Variants in FRMD8 observed in about 807,000 individuals in gnomAD.
FRMD8 encodes FERM domain-containing protein 8.
Under a neutral mutation model 54.2 loss-of-function variants are expected in FRMD8, and 37 were observed. The ratio of observed to expected loss-of-function variants is 0.68; its 90% confidence interval spans 0.53 to 0.90. The LOEUF is 0.90. Ranked by LOEUF, FRMD8 falls within the 40% of genes least tolerant of loss-of-function variation. The probability of loss-of-function intolerance (pLI) is 0.00; values close to 1 mark genes in which losing one functional copy is unlikely to be tolerated. For synonymous variants in FRMD8, 246 were observed against 286.9 expected (o/e 0.86, Z 1.44); for missense variants, 585 against 653.7 (o/e 0.89, Z 1.15).
At chr11:65,401,747 C>T (rs1232124824) in intron 9 of FRMD8, among the ~76,000 whole-genome samples, 4 of 150,630 alleles carry the variant, frequency 2.7e-5, no homozygotes. Flanking sequence ...TGGCCCCCCT[C>T]GAGGGCACTC....
intron 7 of FRMD8, among the ~76,000 whole-genome samples, chr11:65,398,455 G>T (rs1019959896): frequency 6.6e-6 from 1 of 152,256 alleles, no homozygotes; most frequent in Non-Finnish European, 1.5e-5. Context: ...GAGATGCTGG[G>T]AGGCAAGTGT....
At position 65,397,831 on chromosome 11, in the gene FRMD8, T is replaced by TTC. The variant is rs111706429; in HGVS notation, c.803+811_803+812insTC. 2.2e-4 allele frequency among the ~76,000 whole-genome samples: 33 copies of TTC among 151,586 alleles called. 1 individual carries two copies. Among genetic ancestry groups the TTC allele is most frequent in the African/African-American group, 7.3e-4 (30 of 41,358 alleles). On this transcript the variant is annotated intron_variant, in intron 7 of 10. Coordinates refer to ENST00000317568, the MANE Select transcript of FRMD8 (RefSeq NM_031904.5). ...GGCTCAAGCAAGCCTCCTGAGTCGCTGGGACCACAGGTGTGCAGCACCATG... is the reference window on the plus strand; with the variant it reads ...GGCTCAAGCAAGCCTCCTGAGTCGCTTCGGGACCACAGGTGTGCAGCACCATG...
intron 9 of FRMD8, among the ~76,000 whole-genome samples, chr11:65,403,725 A>G (rs1289718161): frequency 1.3e-5 from 2 of 152,228 alleles, no homozygotes. Context: ...AGGTTGAGGA[A>G]GTTCCTTTCT....
chr11:65,388,879 C>T (rs1855783732), intron 2 of FRMD8, among the ~76,000 whole-genome samples: 2 of 152,190 alleles, frequency 1.3e-5, no homozygotes, highest in Non-Finnish European at 1.5e-5. Context: ...TACCAGCTCT[C>T]GCTCCTGCCA....
At chr11:65,374,266 G>C in the FRMD8 span, among the ~76,000 whole-genome samples, 77 of 147,654 alleles carry the variant, frequency 5.2e-4, no homozygotes, top group African/African-American at 1.8e-3. Context: ...GCCCAGGGTG[G>C]TGTGGGGGGA....
chr11:65,411,356 G>T lies in FRMD8; in HGVS notation c.1391G>T (p.Gly464Val). The change falls in exon 11 of 11, where the codon GGC becomes GTC. Residue 464 changes from glycine to valine, a missense_variant. Physicochemically the swap from Gly to Val is moderately radical, Grantham distance 109. Transcript: ENST00000317568. Reference sequence around the variant, plus strand: ...CAGCCCGGCGACAGCCTGGAGCAGGGCTGAGGACGCTGCACCCGGCAGGAG... The same window carrying T: ...CAGCCCGGCGACAGCCTGGAGCAGGTCTGAGGACGCTGCACCCGGCAGGAG... ...VVQPGDSLEQ[G>V] 1 of 1,581,154 alleles carries T rather than the reference G, an allele frequency of 6.3e-7. No homozygotes were observed. The highest frequency in any genetic ancestry group is 8.6e-7 in the Non-Finnish European group (1 of 1,162,676).
the FRMD8 span, chr11:65,379,765 C>T: frequency 6.7e-7 from 1 of 1,487,514 alleles, no homozygotes. Flanking sequence ...ACTTGGTCTT[C>T]TCTCCTCCAG....
chr11:65,398,167 T>G (rs1181036038), intron 7 of FRMD8, among the ~76,000 whole-genome samples: 1 of 152,134 alleles, frequency 6.6e-6, no homozygotes, highest in African/African-American at 2.4e-5. Flanking sequence ...CCTGGCCTAA[T>G]TTTTGTATTT....
intron 8 of FRMD8, 58 bp downstream of exon 8, chr11:65,399,917 C>T (rs1045404453): frequency 1.3e-6 from 2 of 1,565,234 alleles, no homozygotes; most frequent in Non-Finnish European, 1.7e-6. Flanking sequence ...TGACTCAGGT[C>T]TTCCTGGTTC....
chr11:65,400,765 C>G lies in FRMD8; in HGVS notation c.969C>G (p.Asp323Glu), dbSNP rs1856058069. 2 of 1,610,094 alleles carry G rather than the reference C, an allele frequency of 1.2e-6. No homozygotes were observed. The highest frequency in any genetic ancestry group is 1.7e-4 in the Middle Eastern group (1 of 6,046). ...TGCGCTTCCAGGAGCTGTCGTGGGA[C>G]CACACCTCCCCCGAGGAGGAGGAGC... The part of the protein sequence containing the change: ...LGLRFQELSW[D>E]HTSPEEEEPI... The change falls in exon 9 of 11, where the codon GAC becomes GAG. Residue 323 changes from aspartate to glutamate, a missense_variant. Coordinates refer to ENST00000317568, the MANE Select transcript of FRMD8 (RefSeq NM_031904.5). The surrounding 1 kb of genome is among the most constrained non-coding windows in gnomAD (Gnocchi z 4.3).
At chr11:65,380,823 C>G in the FRMD8 span, 2 of 333,076 alleles carry the variant, frequency 6.0e-6, no homozygotes, top group Non-Finnish European at 1.2e-5. Flanking sequence ...TGGGCTGGGA[C>G]CACAGCACAA....
At chr11:65,376,897 C>T in the FRMD8 span, 1 of 1,613,454 alleles carries the variant, frequency 6.2e-7, no homozygotes, top group Admixed American at 1.7e-5. Flanking sequence ...TGGGGGTGTC[C>T]CTCAGCGTCA....
the FRMD8 span, chr11:65,377,193 C>T: frequency 2.7e-6 from 4 of 1,455,660 alleles, no homozygotes; most frequent in Admixed American, 8.2e-5. Context: ...CCTCAGGAAC[C>T]CTGCCGGCAC....
intron 6 of FRMD8, 128 bp downstream of exon 6, chr11:65,394,553 G>T (rs1428401821): frequency 8.7e-7 from 1 of 1,144,070 alleles, no homozygotes; most frequent in Non-Finnish European, 1.2e-6. Flanking sequence ...CCTCAGCCCC[G>T]CAGGCTCACT....
At chr11:65,403,361 T>G (rs1436811439) in intron 9 of FRMD8, among the ~76,000 whole-genome samples, 1 of 152,094 alleles carries the variant, frequency 6.6e-6, no homozygotes, top group Non-Finnish European at 1.5e-5. Context: ...TTTTGTATTT[T>G]TAGTAGAGAT....
chr11:65,387,641 C>T (rs529612064), intron 2 of FRMD8, among the ~76,000 whole-genome samples: 3 of 152,192 alleles, frequency 2.0e-5, no homozygotes, highest in South Asian at 4.1e-4. Flanking sequence ...GGGGTTCACG[C>T]CATTCTCCTG....
chr11:65,405,641 A>AAAT (rs1856179789), intron 10 of FRMD8, among the ~76,000 whole-genome samples: 1 of 151,868 alleles, frequency 6.6e-6, no homozygotes, highest in Non-Finnish European at 1.5e-5. Flanking sequence ...ATAAATAAAT[A>AAAT]AATAAAGCGT....
At chr11:65,383,673 G>T (rs1014123046), upstream of FRMD8, 1 of 147,842 alleles carries the variant, frequency 6.8e-6, no homozygotes, top group African/African-American at 2.5e-5. Context: ...CAGGAGAATC[G>T]CTTGAACCCG....
chr11:65,380,404 C>T, the FRMD8 span: 1 of 906,638 alleles, frequency 1.1e-6, no homozygotes, highest in South Asian at 1.6e-5. Flanking sequence ...AGACCCCAGG[C>T]CCCACCTGAG....
Sources: allele counts gnomAD v4.1 joint callset (sites outside exome capture counted in the v4.1 genomes callset), GRCh38; gene constraint gnomAD v4.1.1; non-coding constraint Gnocchi (gnomAD v3.1); transcripts MANE v1.5; gene names NCBI Gene and HGNC (gene_info 2026-07-23, HGNC 2026-07-21).